PKD1L1: variants seen among roughly 807,000 people sequenced by gnomAD.
PKD1L1 encodes the protein polycystin 1 like 1, transient receptor potential channel interacting, also known as polycystin-1-like protein 1.
PKD1L1 carries 236 observed loss-of-function variants against 323.4 expected under a neutral mutation model. That is an observed-to-expected ratio of 0.73 (90% CI 0.66 to 0.81). The LOEUF (loss-of-function observed/expected upper bound fraction) is 0.81. PKD1L1 is among the 40% of genes least tolerant of loss of function. The probability of loss-of-function intolerance (pLI) is 0.00; values close to 1 mark genes in which losing one functional copy is unlikely to be tolerated. For synonymous variants in PKD1L1, 1,344 were observed against 1,335.0 expected (o/e 1.01, Z -0.15); for missense variants, 3,320 against 3,508.0 (o/e 0.95, Z 1.35).
intron 4 of PKD1L1, 63 bp from the exon 5 acceptor site, chr7:47,932,119 G>A: frequency 6.5e-7 from 1 of 1,543,214 alleles, no homozygotes. Context: ...CACATATCTG[G>A]CTTATTTGAT....
intron 16 of PKD1L1, 57 bp downstream of exon 16, chr7:47,890,485 C>A: frequency 6.5e-7 from 1 of 1,549,058 alleles, no homozygotes; most frequent in Non-Finnish European, 8.9e-7. Flanking sequence ...CGGATGCTAG[C>A]ACCAGGTGGG....
In PKD1L1 at chr7:47,833,627, G is replaced by A. The variant is rs76753636; in HGVS notation, c.6175-375C>T. Among the ~76,000 whole-genome samples, 1,511 of 152,232 alleles carry A rather than the reference G, an allele frequency of 9.9e-3. 22 individuals carry two copies. Among genetic ancestry groups the A allele is most frequent in the African/African-American group, 0.034 (1,402 of 41,532 alleles). ...CGCAGAGCTCCGGCATGGTGTTTGGGGTATGGGGGGCACACTGTGTTTCCA... is the reference window on the plus strand; with the variant it reads ...CGCAGAGCTCCGGCATGGTGTTTGGAGTATGGGGGGCACACTGTGTTTCCA... On this transcript the variant is annotated intron_variant, in intron 40 of 56. Transcript: ENST00000289672.
chr7:47,920,298 CAA>C (rs58524433), intron 7 of PKD1L1, among the ~76,000 whole-genome samples: 6,264 of 140,346 alleles, frequency 0.045, 473 homozygotes, highest in African/African-American at 0.15. Flanking sequence ...CAAACAAAAA[CAA>C]AAAAAAAAAA....
chr7:47,809,819 T>C, intron 50 of PKD1L1: 1 of 373,588 alleles, frequency 2.7e-6, no homozygotes, highest in Non-Finnish European at 4.8e-6. Context: ...GAACCCAAGA[T>C]GGTCTCTGCA....
chr7:47,934,995 G>A (rs978472208), intron 4 of PKD1L1, among the ~76,000 whole-genome samples: 9 of 152,134 alleles, frequency 5.9e-5, no homozygotes, highest in African/African-American at 9.7e-5. Context: ...ATGAGCTCCC[G>A]CAGAGGGAGA....
At chr7:47,884,188 G>A (rs546156514) in intron 19 of PKD1L1, among the ~76,000 whole-genome samples, 4 of 151,642 alleles carry the variant, frequency 2.6e-5, no homozygotes, top group South Asian at 2.1e-4. Flanking sequence ...GGGGGAAGGC[G>A]GGGGGAGTGG....
chr7:47,864,628 CTTT>C (rs1562964091), intron 26 of PKD1L1, among the ~76,000 whole-genome samples: 10 of 139,376 alleles, frequency 7.2e-5, no homozygotes, highest in South Asian at 4.6e-4. Context: ...TTCTTTCTTT[CTTT>C]CTTTCCTTCC....
intron 40 of PKD1L1, among the ~76,000 whole-genome samples, chr7:47,833,595 G>C (rs1041765767): frequency 1.3e-5 from 2 of 152,178 alleles, no homozygotes; most frequent in Non-Finnish European, 2.9e-5. Context: ...CCTCCAAGTG[G>C]GGAGGGCGCA....
chr7:47,819,545 GGA>G, intron 46 of PKD1L1: 1 of 1,362,490 alleles, frequency 7.3e-7, no homozygotes, highest in Non-Finnish European at 9.8e-7. Context: ...TGCACGGATA[GGA>G]GAGCTGAAAA....
chr7:47,792,848 C>G, intron 55 of PKD1L1, 51 bp from the exon 56 acceptor site: 1 of 1,505,602 alleles, frequency 6.6e-7, no homozygotes, highest in Non-Finnish European at 9.2e-7. Flanking sequence ...TCTCATTATC[C>G]CCCTTTCCTC....
At chr7:47,850,101 C>T (rs189887957) in intron 31 of PKD1L1, among the ~76,000 whole-genome samples, 1 of 152,234 alleles carries the variant, frequency 6.6e-6, no homozygotes, top group Non-Finnish European at 1.5e-5. Context: ...ACCAAAATCT[C>T]ACAAATCACC....
chr7:47,880,167 TAGAGAGAGAGAG>T (rs56742103), intron 21 of PKD1L1, among the ~76,000 whole-genome samples: 1 of 133,130 alleles, frequency 7.5e-6, no homozygotes, highest in African/African-American at 2.8e-5. Flanking sequence ...AGGGTTTAAA[TAGAGAGAGAGAG>T]AGAGAGAGAG....
rs893191561 is a variant in PKD1L1, at chr7:47,843,682, C to T, written c.5238-513G>A. On this transcript the variant is annotated intron_variant, in intron 33 of 56. Transcript: ENST00000289672. ...CTTGTTCCCTACCTGTAGCCTCTAC[C>T]TACCTGTTCCCAGGCACCAACACTG... 4.6e-5 allele frequency among the ~76,000 whole-genome samples: 7 copies of T among 152,288 alleles called. No homozygotes were observed. In the South Asian group the frequency reaches 1.2e-3, roughly 27 times the overall value.
intron 56 of PKD1L1, among the ~76,000 whole-genome samples, chr7:47,792,144 T>C (rs2128723551): frequency 6.6e-6 from 1 of 152,302 alleles, no homozygotes; most frequent in South Asian, 2.1e-4. Flanking sequence ...CTATAATCTA[T>C]TCGTCCAAAC....
At chr7:47,817,723 A>G (rs1785050007) in intron 46 of PKD1L1, among the ~76,000 whole-genome samples, 1 of 152,114 alleles carries the variant, frequency 6.6e-6, no homozygotes, top group South Asian at 2.1e-4. Context: ...CACTAAAATT[A>G]GCCAGACATG....
At chr7:47,835,725 A>C (rs1158497766) in intron 37 of PKD1L1, among the ~76,000 whole-genome samples, 1 of 152,146 alleles carries the variant, frequency 6.6e-6, no homozygotes, top group African/African-American at 2.4e-5. Context: ...ATAATGCTTC[A>C]TGTTCAATAT....
At chr7:47,899,800 C>CA (rs1318740207) in intron 13 of PKD1L1, among the ~76,000 whole-genome samples, 3 of 151,854 alleles carry the variant, frequency 2.0e-5, no homozygotes, top group Non-Finnish European at 2.9e-5. Context: ...ACTAAAAATA[C>CA]AAAAAATTAG....
intron 52 of PKD1L1, among the ~76,000 whole-genome samples, chr7:47,804,374 T>A (rs1252505331): frequency 2.0e-5 from 3 of 152,212 alleles, no homozygotes; most frequent in Non-Finnish European, 4.4e-5. Flanking sequence ...TTTTATAATA[T>A]ATTTTGTTTA....
chr7:47,777,446 G>A (rs1279099343), intron 56 of PKD1L1, among the ~76,000 whole-genome samples: 1 of 152,150 alleles, frequency 6.6e-6, no homozygotes, highest in Non-Finnish European at 1.5e-5. Context: ...CTGAGGCAAA[G>A]CCAGCACACA....
Sources: gnomAD v4.1 joint callset for allele counts (sites outside exome capture counted in the v4.1 genomes callset) on GRCh38, gnomAD v4.1.1 for gene constraint, MANE v1.5 for transcripts, NCBI Gene and HGNC (gene_info 2026-07-23, HGNC 2026-07-21) for gene names.